ABCA8: variants seen among roughly 807,000 people sequenced by gnomAD.
The protein encoded by ABCA8 is ABC-type organic anion transporter ABCA8.
In ABCA8, 177 loss-of-function variants were observed where a neutral mutation model predicts 192.3. The observed-to-expected ratio is 0.92, with a 90% CI of 0.81 to 1.04. The LOEUF (loss-of-function observed/expected upper bound fraction) is 1.04, where lower values mean the gene tolerates loss of function less well. Among genes scored for constraint, ABCA8 ranks in the 50% least tolerant of loss-of-function variants. The pLI, the probability that ABCA8 is intolerant of heterozygous loss-of-function variation, is 0.00. For missense variants in ABCA8, 1,915 were observed against 1,904.8 expected, an observed-to-expected ratio of 1.01 and a Z score of -0.10; for synonymous variants, 642 against 690.2, an observed-to-expected ratio of 0.93 and a Z score of 1.09.
intron 16 of ABCA8, among the ~76,000 whole-genome samples, chr17:68,917,660 T>G (rs2067409851): frequency 6.6e-6 from 1 of 152,194 alleles, no homozygotes; most frequent in African/African-American, 2.4e-5. Flanking sequence ...GGAGGTTAAA[T>G]TTTGTGGATA....
At chr17:68,895,041 T>A in intron 21 of ABCA8, 28 bp from the exon 22 acceptor site, 3 of 1,543,432 alleles carry the variant, frequency 1.9e-6, no homozygotes, top group South Asian at 2.6e-5. Context: ...ATATTAGGTA[T>A]CACAAAACTA....
Position 68,887,339 on chromosome 17 carries a change from A to C in ABCA8, c.3312T>G (p.Ile1104Met), listed in dbSNP as rs2066488792. The change falls in exon 25 of 40, where the codon ATT (isoleucine) becomes ATG (methionine). Residue 1104 changes from isoleucine (I) to methionine (M), a missense_variant. Physicochemically the swap from Ile to Met is conservative, Grantham distance 10. Coordinates refer to ENST00000586539, the MANE Select transcript of ABCA8 (RefSeq NM_001288985.2). Reference protein sequence around the residue: ...EDMLLTIIHIIQIPCAVGYSF... With the variant: ...EDMLLTIIHIMQIPCAVGYSF... The stretch of plus-strand genomic sequence containing the variant: ...TTACTTGGATATTGTCACTTACTTG[A>C]ATAATATGAATTATTGTAAGTAGCA... 6.3e-7 allele frequency: 1 copy of C among 1,597,684 alleles called. No individual in the cohort carries two copies. Among genetic ancestry groups the C allele is most frequent in the Non-Finnish European group, 8.5e-7 (1 of 1,170,476 alleles).
At position 68,911,816 on chromosome 17, in the gene ABCA8, G is replaced by T. The variant is rs2067233759; in HGVS notation, c.2139-3937C>A. 6.6e-6 allele frequency among the ~76,000 whole-genome samples: 1 copy of T among 151,892 alleles called. No homozygotes were observed. The highest frequency in any genetic ancestry group is 1.5e-5 in the Non-Finnish European group (1 of 68,006). Reference sequence around the variant, plus strand: ...GGAAGGGAACAAGCATCTCTGCCTGGTAATCCAAAGTATTCTCCAAGAGCA... The same window carrying T: ...GGAAGGGAACAAGCATCTCTGCCTGTTAATCCAAAGTATTCTCCAAGAGCA... On this transcript the variant is annotated intron_variant, in intron 17 of 39. Coordinates refer to ENST00000586539, the MANE Select transcript of ABCA8 (RefSeq NM_001288985.2). This position sits in a 1 kb window ranked among gnomAD's most constrained non-coding sequence, Gnocchi z 5.7.
At chr17:68,880,520 A>AGACTTAGGGGATCCCC (rs1185314267) in intron 32 of ABCA8, among the ~76,000 whole-genome samples, 1 of 152,112 alleles carries the variant, frequency 6.6e-6, no homozygotes, top group Non-Finnish European at 1.5e-5. Flanking sequence ...CGGGGATCCC[A>AGACTTAGGGGATCCCC]GACTTAGGGG....
chr17:68,922,470 C>A (rs1391112678), intron 11 of ABCA8, among the ~76,000 whole-genome samples, 170 bp from the exon 12 acceptor site: 2 of 151,926 alleles, frequency 1.3e-5, no homozygotes, highest in Admixed American at 1.3e-4. Flanking sequence ...CGCTTGCCAA[C>A]CCTGTCTGCA....
rs988949889 is a variant in ABCA8, at chr17:68,888,291, G to A, written c.3145-785C>T. On this transcript the variant is annotated intron_variant, in intron 24 of 39. Coordinates refer to ENST00000586539, the MANE Select transcript of ABCA8 (RefSeq NM_001288985.2). ...CCTAAATAAACATACCAAATTACAT[G>A]TTTTAAAACTACTTATGAAGTGATG... Among the ~76,000 whole-genome samples, 6 of 151,850 alleles carry A rather than the reference G, an allele frequency of 4.0e-5. No individual in the cohort carries two copies. The South Asian group carries it at 1.0e-3, about 26-fold the overall frequency.
chr17:68,881,214 G>GA lies in ABCA8; in HGVS notation c.3947-4dup. Reference sequence around the variant, plus strand: ...TCCTAATAATCCTAAAACTTCACCTGAAAAAAAGGTTACACTTAATATTAA... The same window carrying GA: ...TCCTAATAATCCTAAAACTTCACCTGAAAAAAAAGGTTACACTTAATATTAA... On this transcript the variant is annotated splice_polypyrimidine_tract_variant and splice_region_variant and intron_variant, in intron 31 of 39. Coordinates refer to ENST00000586539, the MANE Select transcript of ABCA8 (RefSeq NM_001288985.2). The GA allele has an allele frequency of 2.5e-6, 4 of 1,594,416 alleles. No individual in the cohort carries two copies. Among genetic ancestry groups the GA allele is most frequent in the Middle Eastern group, 1.7e-4 (1 of 5,970 alleles).
At chr17:68,868,596 G>A (rs960563718) in intron 38 of ABCA8, among the ~76,000 whole-genome samples, 7 of 152,196 alleles carry the variant, frequency 4.6e-5, no homozygotes, top group African/African-American at 1.4e-4. Flanking sequence ...ATTTAAAGGA[G>A]AAAATGCTAC....
chr17:68,894,209 T>C lies in ABCA8; in HGVS notation c.3000A>G (p.Ser1000=). 5.0e-6 allele frequency: 8 copies of C among 1,613,456 alleles called. No individual in the cohort carries two copies. The highest frequency in any genetic ancestry group is 6.8e-6 in the Non-Finnish European group (8 of 1,179,730). The change falls in exon 23 of 40, where the codon TCA becomes TCG. Residue 1000 remains serine (S), a synonymous_variant. Transcript: ENST00000586539. ...SNGLLGMVKP[S]VHIRTERSTF... is the part of the protein sequence containing the mutation. Reference sequence around the variant, plus strand: ...TACTTCTTTCAGTTCGGATATGTACTGATGGTTTAACCATTCCAAGTAGCC... The same window carrying C: ...TACTTCTTTCAGTTCGGATATGTACCGATGGTTTAACCATTCCAAGTAGCC...
intron 37 of ABCA8, among the ~76,000 whole-genome samples, chr17:68,872,222 A>C (rs1399000612): frequency 5.3e-5 from 8 of 152,118 alleles, no homozygotes; most frequent in Non-Finnish European, 1.2e-4. Flanking sequence ...AAAATGTGGC[A>C]CATATACACC....
In ABCA8 at chr17:68,929,220, G is replaced by A. The variant is rs1401786300; in HGVS notation, c.954C>T (p.Phe318=). ...LYGLSLVALA[F]LMSILVKKSF... is the part of the protein sequence containing the mutation. The stretch of plus-strand genomic sequence containing the variant: ...ATTTCTTTACCAAGATGCTCATTAA[G>A]AAAGCCAAAGCTACCTAAAATGAGA... Residue 318 remains phenylalanine, a synonymous_variant, in exon 9 of 40, where the codon TTC becomes TTT. Coordinates refer to ENST00000586539, the MANE Select transcript of ABCA8 (RefSeq NM_001288985.2). The A allele has an allele frequency of 3.8e-6, 6 of 1,597,396 alleles. No homozygotes were observed. The African/African-American group carries it at 8.1e-5, about 21-fold the overall frequency.
At chr17:68,913,499 A>G (rs900054638) in intron 17 of ABCA8, among the ~76,000 whole-genome samples, 1 of 152,018 alleles carries the variant, frequency 6.6e-6, no homozygotes, top group African/African-American at 2.4e-5. Flanking sequence ...GACTAAAAAA[A>G]AGAAAAAAAA....
chr17:68,919,213 G>C, intron 14 of ABCA8, 88 bp downstream of exon 14: 1 of 1,221,652 alleles, frequency 8.2e-7, no homozygotes, highest in African/African-American at 1.5e-5. Context: ...AATGATTTGC[G>C]CACAAATAAT....
At position 68,952,051 on chromosome 17, in the gene ABCA8, G is replaced by T. The variant is rs141984112; in HGVS notation, c.-166-2579C>A. ...CTTCTCCTGTCCCAAAGATGTAAAA[G>T]GTGGTTATATGTCTTTTATGGTTAC... On this transcript the variant is annotated intron_variant, in intron 1 of 39. Transcript: ENST00000586539. 3.2e-3 allele frequency among the ~76,000 whole-genome samples: 481 copies of T among 152,178 alleles called. 3 individuals are homozygous for T. The highest frequency in any genetic ancestry group is 0.011 in the African/African-American group (465 of 41,534).
chr17:68,955,197 A>G (rs940829534), intron 1 of ABCA8, 22 bp downstream of exon 1: 6 of 152,234 alleles, frequency 3.9e-5, no homozygotes, highest in African/African-American at 1.4e-4. Flanking sequence ...AAAACAAAAC[A>G]GAAAAAATAC....
intron 2 of ABCA8, among the ~76,000 whole-genome samples, chr17:68,946,551 C>T (rs1411638279): frequency 6.6e-6 from 1 of 152,066 alleles, no homozygotes; most frequent in Non-Finnish European, 1.5e-5. Context: ...TAGGTAGATG[C>T]CTTAGAAGAC....
At chr17:68,904,292 AATAATAATAATAATAATAATAAT>A (rs2067002213) in intron 19 of ABCA8, among the ~76,000 whole-genome samples, 1 of 28 alleles carries the variant, frequency 0.036, no homozygotes, top group South Asian at 0.5. Context: ...AAAAAAAAGA[AATAATAATAATAATAATAATAAT>A]AATAATAATA....
Position 68,877,559 on chromosome 17 carries a change from T to C in ABCA8, c.4159A>G (p.Lys1387Glu). Residue 1387 changes from lysine (K) to glutamate (E), a missense_variant, in exon 33 of 40, where the codon AAA becomes GAA. Lys to Glu is a moderately conservative substitution (Grantham distance 56, BLOSUM62 1). Coordinates refer to ENST00000586539, the MANE Select transcript of ABCA8 (RefSeq NM_001288985.2). ...RQHLEVYAAV[K>E]GLRKGDAEVA... is the part of the protein sequence containing the mutation. ...TCAGCATCCCCTTTCCTCAGCCCTT[T>C]CACGGCGGCGTACACCTCCAGGTGC... The C allele has an allele frequency of 6.2e-7, 1 of 1,613,976 alleles. No homozygotes were observed. Among genetic ancestry groups the C allele is most frequent in the Non-Finnish European group, 8.5e-7 (1 of 1,179,956 alleles).
intron 27 of ABCA8, among the ~76,000 whole-genome samples, 168 bp downstream of exon 27, chr17:68,885,028 G>C (rs1235047583): frequency 2.0e-5 from 3 of 152,274 alleles, no homozygotes; most frequent in African/African-American, 7.2e-5. Flanking sequence ...TTACCAGTCA[G>C]CTGGAACATA....
Sources: allele counts gnomAD v4.1 joint callset (sites outside exome capture counted in the v4.1 genomes callset), GRCh38; gene constraint gnomAD v4.1.1; non-coding constraint Gnocchi (gnomAD v3.1); transcripts MANE v1.5; gene names NCBI Gene and HGNC (gene_info 2026-07-23, HGNC 2026-07-21).